DENND1A: variants seen among roughly 807,000 people sequenced by gnomAD.
DENND1A encodes the protein DENN domain-containing protein 1A.
Under a neutral mutation model 113.7 loss-of-function variants are expected in DENND1A, and 51 were observed. That is an observed-to-expected ratio of 0.45 (90% confidence interval 0.36 to 0.57). The LOEUF (loss-of-function observed/expected upper bound fraction) is 0.57, where lower values mean the gene tolerates loss of function less well. Ranked by LOEUF, DENND1A falls within the 20% of genes least tolerant of loss-of-function variation. DENND1A has a pLI of 0.00. For missense variants in DENND1A, 1,258 were observed against 1,395.9 expected (o/e 0.90, Z 1.57); for synonymous variants, 565 against 570.8 (o/e 0.99, Z 0.14).
chr9:123,818,561 CACACACATATATATAT>C (rs1837946370), intron 2 of DENND1A, among the ~76,000 whole-genome samples: 3 of 116,536 alleles, frequency 2.6e-5, no homozygotes. Context: ...CACACACACA[CACACACATATATATAT>C]ATATATAAAA....
intron 20 of DENND1A, among the ~76,000 whole-genome samples, chr9:123,410,826 A>T (rs1588392586): frequency 6.6e-6 from 1 of 152,128 alleles, no homozygotes; most frequent in Admixed American, 6.5e-5. Context: ...GCCACACTGA[A>T]TGGTAGATGG....
intron 11 of DENND1A, among the ~76,000 whole-genome samples, chr9:123,605,760 C>T (rs1054737109): frequency 3.9e-5 from 6 of 152,260 alleles, no homozygotes; most frequent in Middle Eastern, 3.4e-3. Flanking sequence ...AATAACAATG[C>T]AAGTTTGTAA....
At chr9:123,859,189 T>C (rs1437304396) in intron 2 of DENND1A, among the ~76,000 whole-genome samples, 2 of 152,186 alleles carry the variant, frequency 1.3e-5, no homozygotes, top group Non-Finnish European at 2.9e-5. Context: ...TATACAGTTT[T>C]CTGTATGCTA....
intron 2 of DENND1A, among the ~76,000 whole-genome samples, chr9:123,804,302 C>G (rs1335691557): frequency 6.6e-6 from 1 of 152,204 alleles, no homozygotes; most frequent in Non-Finnish European, 1.5e-5. Context: ...AACTGTAAGT[C>G]TCATTAAACC....
In DENND1A at chr9:123,422,493, T is replaced by C. The variant is rs906961072; in HGVS notation, c.1489-10664A>G. Among the ~76,000 whole-genome samples the C allele has an allele frequency of 2.7e-5, 4 of 149,734 alleles. No homozygotes were observed. The highest frequency in any genetic ancestry group is 5.9e-5 in the Non-Finnish European group (4 of 67,858). On this transcript the variant is annotated intron_variant, in intron 19 of 23. Coordinates refer to ENST00000394215, the MANE Select transcript of DENND1A (RefSeq NM_001352964.2). The surrounding 1 kb of genome is among the most constrained non-coding windows in gnomAD (Gnocchi z 4.8). ...TGTCTGTTAAAGAAAGATAGTCAGG[T>C]TCACCAGACAGAAGGTTTTTTTTTT...
At chr9:123,763,289 T>C (rs1020690599) in intron 4 of DENND1A, among the ~76,000 whole-genome samples, 4 of 152,116 alleles carry the variant, frequency 2.6e-5, no homozygotes, top group African/African-American at 9.7e-5. Flanking sequence ...TTAACTCATG[T>C]AGGGAGAGTA....
At chr9:123,771,533 G>A (rs548271054) in intron 3 of DENND1A, among the ~76,000 whole-genome samples, 1 of 152,134 alleles carries the variant, frequency 6.6e-6, no homozygotes, top group Admixed American at 6.6e-5. Flanking sequence ...CCCCTCAAAA[G>A]TTATAGGTGC....
At chr9:123,575,271 C>A (rs1468767625) in intron 12 of DENND1A, among the ~76,000 whole-genome samples, 1 of 152,182 alleles carries the variant, frequency 6.6e-6, no homozygotes, top group Non-Finnish European at 1.5e-5. Flanking sequence ...AAGTTCACAA[C>A]AGGGTTCATG....
chr9:123,382,763 G>T, intron 23 of DENND1A, 138 bp from the exon 24 acceptor site: 1 of 910,696 alleles, frequency 1.1e-6, no homozygotes, highest in Non-Finnish European at 1.7e-6. Flanking sequence ...ACTTGGAACA[G>T]CTGAGGGCTC....
chr9:123,527,447 G>A (rs1271467637), intron 13 of DENND1A, among the ~76,000 whole-genome samples: 1 of 152,134 alleles, frequency 6.6e-6, no homozygotes, highest in African/African-American at 2.4e-5. Context: ...GTCCAAGACT[G>A]CCTTTCAGGT....
chr9:123,808,727 T>C (rs1006503723), intron 2 of DENND1A, among the ~76,000 whole-genome samples: 1 of 152,134 alleles, frequency 6.6e-6, no homozygotes, highest in Non-Finnish European at 1.5e-5. Flanking sequence ...ATAAAAAAAC[T>C]AGCAACAGGA....
At chr9:123,788,048 T>C (rs779430385) in intron 3 of DENND1A, among the ~76,000 whole-genome samples, 15 of 152,140 alleles carry the variant, frequency 9.9e-5, no homozygotes, top group Non-Finnish European at 2.2e-4. Flanking sequence ...AGGCTCACTG[T>C]ATTCCATCAA....
intron 2 of DENND1A, among the ~76,000 whole-genome samples, chr9:123,871,340 T>C (rs1440401419): frequency 6.6e-6 from 1 of 152,168 alleles, no homozygotes; most frequent in Non-Finnish European, 1.5e-5. Flanking sequence ...TGCCTCAGCC[T>C]CCCAAAGTGC....
intron 12 of DENND1A, among the ~76,000 whole-genome samples, chr9:123,564,734 T>C (rs919329831): frequency 2.6e-5 from 4 of 152,248 alleles, no homozygotes; most frequent in Admixed American, 2.6e-4. Flanking sequence ...TTATTCTATT[T>C]CATTTCAATC....
chr9:123,512,514 C>T (rs1455447253), intron 13 of DENND1A, among the ~76,000 whole-genome samples: 3 of 152,206 alleles, frequency 2.0e-5, no homozygotes, highest in Non-Finnish European at 4.4e-5. Context: ...TCCTCCTCAG[C>T]ATCGTGGGGA....
intron 5 of DENND1A, among the ~76,000 whole-genome samples, chr9:123,737,534 A>C (rs1208550736): frequency 6.6e-6 from 1 of 152,216 alleles, no homozygotes; most frequent in Non-Finnish European, 1.5e-5. Context: ...TGAGTAGTCC[A>C]AATTAAATTT....
At chr9:123,607,889 C>A (rs1336914323) in intron 11 of DENND1A, among the ~76,000 whole-genome samples, 1 of 151,874 alleles carries the variant, frequency 6.6e-6, no homozygotes, top group African/African-American at 2.4e-5. Context: ...GAGAGGCAAG[C>A]GGGAGGGAAC....
In DENND1A at chr9:123,676,747, G is replaced by C. The variant is rs750619127; in HGVS notation, c.345C>G (p.Ile115Met). Reference sequence around the variant, plus strand: ...GTCTTTTTGTCGTGTAATCTGCCAGGATGTTAAGCAGCTTATAAAATACCT... The same window carrying C: ...GTCTTTTTGTCGTGTAATCTGCCAGCATGTTAAGCAGCTTATAAAATACCT... Reference protein sequence around the residue: ...WFEVFYKLLNILADYTTKRQE... With the variant: ...WFEVFYKLLNMLADYTTKRQE... Residue 115 changes from isoleucine (I) to methionine (M), a missense_variant, in exon 6 of 24, where the codon ATC (isoleucine) becomes ATG (methionine). This residue lies in a region of DENND1A where 99 missense variants were observed against 164.2 expected (regional missense o/e 0.60). Transcript: ENST00000394215. 1.2e-6 allele frequency: 2 copies of C among 1,613,960 alleles called. No individual in the cohort carries two copies. The highest frequency in any genetic ancestry group is 4.5e-5 in the East Asian group (2 of 44,862).
chr9:123,714,551 A>C (rs2066850123), intron 5 of DENND1A, among the ~76,000 whole-genome samples: 2 of 152,132 alleles, frequency 1.3e-5, no homozygotes, highest in Non-Finnish European at 2.9e-5. Context: ...GCAGTGAGCC[A>C]AGAACATGCC....
Sources: allele counts gnomAD v4.1 joint callset (sites outside exome capture counted in the v4.1 genomes callset), GRCh38; gene constraint gnomAD v4.1.1; regional missense constraint gnomAD v4.1.1; non-coding constraint Gnocchi (gnomAD v3.1); transcripts MANE v1.5; gene names NCBI Gene and HGNC (gene_info 2026-07-23, HGNC 2026-07-21).